Variants in GABRB3 observed in about 807,000 individuals in gnomAD.
GABRB3 encodes the protein gamma-aminobutyric acid type A receptor subunit beta3.
A neutral mutation model predicts 52.1 loss-of-function variants in GABRB3; 14 were observed. That is an observed-to-expected ratio of 0.27 (90% CI 0.18 to 0.42). GABRB3 has a LOEUF of 0.42. Among genes scored for constraint, GABRB3 ranks in the 10% least tolerant of loss-of-function variants. The pLI is 1.00. For synonymous variants in GABRB3, 260 were observed against 232.3 expected (o/e 1.12, Z -1.08); for missense variants, 307 against 609.1 (o/e 0.50, Z 5.22).
intron 3 of GABRB3, among the ~76,000 whole-genome samples, chr15:26,766,329 G>C (rs1203053424): frequency 2.6e-5 from 4 of 152,200 alleles, no homozygotes; most frequent in African/African-American, 9.7e-5. Context: ...TGAAAAGTCA[G>C]TTGATGAATT....
chr15:26,732,019 T>TTGGA (rs988020183), intron 3 of GABRB3, among the ~76,000 whole-genome samples: 1 of 150,358 alleles, frequency 6.7e-6, no homozygotes, highest in African/African-American at 2.5e-5. Context: ...GGACAGATGG[T>TTGGA]TGGATGGATG....
chr15:26,578,499 G>A (rs940149236), intron 6 of GABRB3, among the ~76,000 whole-genome samples: 3 of 152,320 alleles, frequency 2.0e-5, no homozygotes, highest in Non-Finnish European at 4.4e-5. Context: ...CATACAGACT[G>A]AAAAGAAAGA....
chr15:26,593,372 G>A (rs1398545363), intron 4 of GABRB3, among the ~76,000 whole-genome samples: 1 of 152,122 alleles, frequency 6.6e-6, no homozygotes. Flanking sequence ...ATAATTCAGT[G>A]CATTCACATT....
At chr15:26,695,318 C>T (rs8034251) in intron 3 of GABRB3, among the ~76,000 whole-genome samples, 3,649 of 152,062 alleles carry the variant, frequency 0.024, 141 homozygotes, top group African/African-American at 0.083. Flanking sequence ...AGATTTATAC[C>T]GGACTTGCTT....
rs1474768062 is a variant in GABRB3 at position 26,702,552 on chromosome 15, C to T, written c.240+69850G>A. Among the ~76,000 whole-genome samples, 5 of 152,300 alleles carry T rather than the reference C, an allele frequency of 3.3e-5. No individual in the cohort carries two copies. The East Asian group carries it at 5.8e-4, about 18-fold the overall frequency. The stretch of plus-strand genomic sequence containing the variant: ...AGTGGCTAATTTTAAAGAGATTGAC[C>T]ATACCAAGTGTTGACAGAAATAAGG... On this transcript the variant is annotated intron_variant, in intron 3 of 8. Coordinates refer to ENST00000311550, the MANE Select transcript of GABRB3 (RefSeq NM_000814.6).
At chr15:26,652,306 T>C (rs1053165135) in intron 3 of GABRB3, among the ~76,000 whole-genome samples, 1 of 152,192 alleles carries the variant, frequency 6.6e-6, no homozygotes, top group Non-Finnish European at 1.5e-5. Flanking sequence ...AATTCACATA[T>C]TGAACCAAAC....
rs531154573 is a variant in GABRB3, at chr15:26,751,206, C to T, written c.240+21196G>A. On this transcript the variant is annotated intron_variant, in intron 3 of 8. Transcript: ENST00000311550. ...GAAAAAATGGTTTCTGATGATAAGG[C>T]TATCTAGAATTCACAGGATTCCTTT... Among the ~76,000 whole-genome samples, 15 of 152,298 alleles carry T rather than the reference C, an allele frequency of 9.8e-5. No homozygotes were observed. The East Asian group carries it at 2.9e-3, about 29-fold the overall frequency.
chr15:26,614,118 T>C (rs1892172728), intron 4 of GABRB3: 1 of 152,152 alleles, frequency 6.6e-6, no homozygotes, highest in Non-Finnish European at 1.5e-5. Flanking sequence ...GTGAAGCTCA[T>C]TTTGGAAATG....
chr15:26,592,874 G>T (rs1258579441), intron 4 of GABRB3, among the ~76,000 whole-genome samples: 1 of 152,100 alleles, frequency 6.6e-6, no homozygotes, highest in Non-Finnish European at 1.5e-5. Context: ...AATTAGCTGG[G>T]CATGGTGGCA....
At chr15:26,753,150 C>G (rs902049995) in intron 3 of GABRB3, among the ~76,000 whole-genome samples, 1 of 152,188 alleles carries the variant, frequency 6.6e-6, no homozygotes, top group African/African-American at 2.4e-5. Context: ...CCCGGATGTC[C>G]ACAGGCACTT....
intron 3 of GABRB3, among the ~76,000 whole-genome samples, chr15:26,743,436 T>C (rs1825217743): frequency 6.6e-6 from 1 of 152,208 alleles, no homozygotes; most frequent in South Asian, 2.1e-4. Flanking sequence ...CTGTGACTGA[T>C]GGCTGTTGTT....
At chr15:26,623,211 T>G (rs1323957178) in intron 3 of GABRB3, among the ~76,000 whole-genome samples, 1 of 152,140 alleles carries the variant, frequency 6.6e-6, no homozygotes, top group Admixed American at 6.5e-5. Flanking sequence ...GCAGTTTTGC[T>G]GGAATGCTGG....
intron 3 of GABRB3, among the ~76,000 whole-genome samples, chr15:26,679,644 AC>A (rs1888176095): frequency 6.6e-6 from 1 of 152,084 alleles, no homozygotes; most frequent in African/African-American, 2.4e-5. Flanking sequence ...ATCTAGGACC[AC>A]CCAGAGCCAG....
intron 3 of GABRB3, among the ~76,000 whole-genome samples, chr15:26,675,850 G>C (rs1051442931): frequency 6.6e-6 from 1 of 152,194 alleles, no homozygotes; most frequent in Non-Finnish European, 1.5e-5. Context: ...AAACTGAACA[G>C]ATACCGAAGA....
chr15:26,721,459 G>A (rs1889641944), intron 3 of GABRB3, among the ~76,000 whole-genome samples: 1 of 151,868 alleles, frequency 6.6e-6, no homozygotes, highest in African/African-American at 2.4e-5. Context: ...ACCTCCCCAA[G>A]CCAGGCCTCC....
At chr15:26,606,831 T>TAGATAGATAGAC (rs1270787117) in intron 4 of GABRB3, among the ~76,000 whole-genome samples, 1 of 123,586 alleles carries the variant, frequency 8.1e-6, no homozygotes, top group Non-Finnish European at 1.8e-5. Context: ...GATAGATAGA[T>TAGATAGATAGAC]AGATAGATAG....
intron 3 of GABRB3, among the ~76,000 whole-genome samples, chr15:26,704,618 A>G (rs1889039583): frequency 6.6e-6 from 1 of 152,186 alleles, no homozygotes; most frequent in South Asian, 2.1e-4. Flanking sequence ...TACTGTAAGC[A>G]TGTAAAAGAA....
intron 3 of GABRB3, among the ~76,000 whole-genome samples, chr15:26,699,949 T>C (rs989577517): frequency 8.9e-6 from 1 of 112,936 alleles, no homozygotes; most frequent in Non-Finnish European, 2.2e-5. Flanking sequence ...CTGGAAAAAT[T>C]AGATAATATT....
rs1315314568 is a variant in GABRB3, at chr15:26,586,458, C to T, written c.462-3044G>A. Among the ~76,000 whole-genome samples, 4 of 120,710 alleles carry T rather than the reference C, an allele frequency of 3.3e-5. No individual in the cohort carries two copies. The South Asian group carries it at 8.4e-4, about 25-fold the overall frequency. The allele number at this position is 120,710 out of a possible 152,430, so 79.2% of individuals were successfully genotyped here. On this transcript the variant is annotated intron_variant, in intron 4 of 8. Transcript: ENST00000311550. Reference sequence around the variant, plus strand: ...TACACATAAACATGCCCAAATTGTTCGGGGACACCATGTGCAGTGGTCACA... The same window carrying T: ...TACACATAAACATGCCCAAATTGTTTGGGGACACCATGTGCAGTGGTCACA...
Sources: gnomAD v4.1 joint callset for allele counts (sites outside exome capture counted in the v4.1 genomes callset) on GRCh38, gnomAD v4.1.1 for gene constraint, MANE v1.5 for transcripts, NCBI Gene and HGNC (gene_info 2026-07-23, HGNC 2026-07-21) for gene names.